The following GPHN variants were observed in gnomAD, a reference collection of about 807,000 sequenced individuals.
The protein encoded by GPHN is gephyrin.
A neutral mutation model predicts 95.5 loss-of-function variants in GPHN; 17 were observed. The observed-to-expected ratio is 0.18, with a 90% confidence interval of 0.12 to 0.27. The LOEUF is 0.27. Among genes scored for constraint, GPHN ranks in the 10% least tolerant of loss-of-function variants. The probability of loss-of-function intolerance (pLI) is 1.00; values close to 1 mark genes in which losing one functional copy is unlikely to be tolerated. For synonymous variants in GPHN, 320 were observed against 322.5 expected (o/e 0.99, Z 0.08); for missense variants, 660 against 978.1 (o/e 0.67, Z 4.34).
intron 1 of GPHN, among the ~76,000 whole-genome samples, chr14:66,607,464 G>T (rs2140904457): frequency 6.6e-6 from 1 of 150,992 alleles, no homozygotes; most frequent in South Asian, 2.1e-4. Context: ...TTTCTTTTTT[G>T]TTGTGTCTTT....
chr14:67,575,778 CA>C, the GPHN span: 1 of 1,460,136 alleles, frequency 6.8e-7, no homozygotes, highest in Admixed American at 1.8e-5. Context: ...GAGACTCCCT[CA>C]TCCCCCACTG....
At position 66,907,342 on chromosome 14, in the gene GPHN, G is replaced by A. The variant is rs546172246; in HGVS notation, c.390-8661G>A. ...AGTGTGAAAAGAATACATATTATAT[G>A]GTTCTAACTTTATGACATTGTAGTA... On this transcript the variant is annotated intron_variant, in intron 5 of 22. Transcript: ENST00000478722. Among the ~76,000 whole-genome samples, 8 of 152,204 alleles carry A rather than the reference G, an allele frequency of 5.3e-5. No homozygotes were observed. The South Asian group carries it at 1.2e-3, about 24-fold the overall frequency.
chr14:67,652,072 G>C, the GPHN span, among the ~76,000 whole-genome samples: 4 of 152,096 alleles, frequency 2.6e-5, no homozygotes, highest in Non-Finnish European at 4.4e-5. Context: ...CACCCCTCCT[G>C]CTAGTTCCAT....
chr14:67,530,749 T>A, the GPHN span, among the ~76,000 whole-genome samples: 1 of 152,154 alleles, frequency 6.6e-6, no homozygotes, highest in African/African-American at 2.4e-5. Context: ...ATGAATGGAG[T>A]GTGAGAGCCA....
intron 2 of GPHN, among the ~76,000 whole-genome samples, chr14:66,717,797 G>T (rs188681666): frequency 6.6e-6 from 1 of 152,280 alleles, no homozygotes; most frequent in African/African-American, 2.4e-5. Context: ...GCCATCTACC[G>T]CGCCTACCCG....
chr14:67,301,602 T>C, the GPHN span: 5 of 499,974 alleles, frequency 1.0e-5, no homozygotes, highest in African/African-American at 3.9e-5. Context: ...ATCTATAACA[T>C]AGTAGTTATT....
intron 11 of GPHN, among the ~76,000 whole-genome samples, chr14:67,081,748 C>T (rs2076706485): frequency 6.6e-6 from 1 of 152,100 alleles, no homozygotes; most frequent in African/African-American, 2.4e-5. Flanking sequence ...GGCTTAAGTC[C>T]TTGATCCAAC....
At chr14:67,202,089 C>T in the GPHN span, among the ~76,000 whole-genome samples, 570 of 152,236 alleles carry the variant, frequency 3.7e-3, 8 homozygotes, top group Admixed American at 0.019. Context: ...CAGAACTGGT[C>T]GATTGGTACG....
intron 8 of GPHN, among the ~76,000 whole-genome samples, chr14:66,964,628 TA>T (rs2069184465): frequency 6.6e-6 from 1 of 152,182 alleles, no homozygotes; most frequent in African/African-American, 2.4e-5. Flanking sequence ...TGACATGAGC[TA>T]TGATCTTGAG....
intron 10 of GPHN, among the ~76,000 whole-genome samples, chr14:67,042,316 T>C (rs550785438): frequency 7.2e-5 from 11 of 152,346 alleles, no homozygotes; most frequent in Middle Eastern, 3.4e-3. Flanking sequence ...GTCTATGTCC[T>C]GAATGGTATT....
chr14:66,922,048 A>G (rs1596378804), intron 6 of GPHN, among the ~76,000 whole-genome samples: 1 of 152,292 alleles, frequency 6.6e-6, no homozygotes, highest in East Asian at 1.9e-4. Context: ...CTCACCTTAT[A>G]CAAAAATCAA....
intron 11 of GPHN, among the ~76,000 whole-genome samples, chr14:67,085,636 CTG>C (rs1209451638): frequency 6.6e-6 from 1 of 152,182 alleles, no homozygotes; most frequent in Non-Finnish European, 1.5e-5. Flanking sequence ...ACTATACTAA[CTG>C]TTGATTCTTA....
chr14:67,573,826 G>C, the GPHN span: 5 of 1,613,492 alleles, frequency 3.1e-6, no homozygotes, highest in Non-Finnish European at 4.2e-6. The surrounding 1 kb of genome is among the most constrained non-coding windows in gnomAD (Gnocchi z 4.8). Context: ...AAACCTCAAG[G>C]CCAAGTGGAT....
At chr14:67,345,589 A>G in the GPHN span, among the ~76,000 whole-genome samples, 1 of 152,152 alleles carries the variant, frequency 6.6e-6, no homozygotes, top group Non-Finnish European at 1.5e-5. Context: ...TTTAAAAAGT[A>G]GGGACAATGG....
intron 18 of GPHN, among the ~76,000 whole-genome samples, chr14:67,144,246 A>ATATAT (rs1237842407): frequency 1.2e-4 from 8 of 65,604 alleles, no homozygotes; most frequent in Admixed American, 2.3e-4. Context: ...TAAAAAAAAA[A>ATATAT]AAAAATATAT....
chr14:67,142,677 C>T (rs542534369), intron 17 of GPHN, among the ~76,000 whole-genome samples: 5 of 152,302 alleles, frequency 3.3e-5, no homozygotes, highest in African/African-American at 9.6e-5. Flanking sequence ...GATCCTCCCC[C>T]CTCCATTTCC....
At chr14:66,882,600 T>A (rs932154583) in intron 5 of GPHN, among the ~76,000 whole-genome samples, 5 of 151,756 alleles carry the variant, frequency 3.3e-5, no homozygotes, top group African/African-American at 1.2e-4. Flanking sequence ...ATCTATATAA[T>A]AAAGATGTTA....
the GPHN span, chr14:67,320,987 A>C: frequency 7.8e-7 from 1 of 1,282,390 alleles, no homozygotes; most frequent in Non-Finnish European, 1.1e-6. Flanking sequence ...ATTCTTTCTG[A>C]CTAGCAGAAT....
chr14:67,579,881 C>T, the GPHN span: 1 of 1,594,172 alleles, frequency 6.3e-7, no homozygotes, highest in Non-Finnish European at 8.5e-7. Flanking sequence ...GTCAAGGTGA[C>T]AGCCTCCCAC....
Sources: gnomAD v4.1 joint callset for allele counts (sites outside exome capture counted in the v4.1 genomes callset) on GRCh38, gnomAD v4.1.1 for gene constraint, Gnocchi (gnomAD v3.1) non-coding constraint, MANE v1.5 for transcripts, NCBI Gene and HGNC (gene_info 2026-07-23, HGNC 2026-07-21) for gene names.